Variants in MSRA observed in about 807,000 individuals in gnomAD.
MSRA encodes methionine sulfoxide reductase A.
Under a neutral mutation model 31.3 loss-of-function variants are expected in MSRA, and 54 were observed. The ratio of observed to expected loss-of-function variants is 1.73; its 90% confidence interval spans 1.39 to 2.17. The LOEUF (loss-of-function observed/expected upper bound fraction) is 2.17. Among genes scored for constraint, MSRA ranks in the 30% most tolerant of loss-of-function variants. The probability of loss-of-function intolerance (pLI) is 0.00; values close to 1 mark genes in which losing one functional copy is unlikely to be tolerated. For missense variants in MSRA, 507 were observed against 300.9 expected, an observed-to-expected ratio of 1.69 and a Z score of -5.07; for synonymous variants, 169 against 116.5, an observed-to-expected ratio of 1.45 and a Z score of -2.90.
At chr8:10,185,501 A>C (rs957886046) in intron 1 of MSRA, among the ~76,000 whole-genome samples, 7 of 127,302 alleles carry the variant, frequency 5.5e-5, no homozygotes, top group African/African-American at 1.8e-4. Flanking sequence ...TGGGGGAATC[A>C]GCTCTGGGCA....
At chr8:10,401,127 C>T (rs1233726186) in intron 5 of MSRA, among the ~76,000 whole-genome samples, 5 of 151,654 alleles carry the variant, frequency 3.3e-5, no homozygotes, top group African/African-American at 1.2e-4. Context: ...CCCACAGAGT[C>T]ACAGAAAATG....
chr8:10,161,192 G>T (rs1016509071), intron 1 of MSRA, among the ~76,000 whole-genome samples: 1 of 152,074 alleles, frequency 6.6e-6, no homozygotes, highest in Non-Finnish European at 1.5e-5. Context: ...GTTCAATGAG[G>T]GGCTGCCCAG....
chr8:10,156,484 C>T (rs1804160681), intron 1 of MSRA, among the ~76,000 whole-genome samples: 1 of 152,040 alleles, frequency 6.6e-6, no homozygotes, highest in Non-Finnish European at 1.5e-5. Context: ...GATATTAATT[C>T]TTGGTGAATG....
intron 4 of MSRA, among the ~76,000 whole-genome samples, chr8:10,310,060 T>A (rs1801352688): frequency 6.6e-6 from 1 of 152,278 alleles, no homozygotes; most frequent in Non-Finnish European, 1.5e-5. Context: ...GATTAATATC[T>A]GAACTTCCTT....
chr8:10,102,988 C>G (rs1208183968), intron 1 of MSRA, among the ~76,000 whole-genome samples: 1 of 152,104 alleles, frequency 6.6e-6, no homozygotes, highest in African/African-American at 2.4e-5. Context: ...TAGTTACATT[C>G]TCAAATTAGG....
chr8:10,102,476 A>G (rs995408391), intron 1 of MSRA, among the ~76,000 whole-genome samples: 4 of 152,030 alleles, frequency 2.6e-5, no homozygotes, highest in Non-Finnish European at 5.9e-5. Flanking sequence ...CTTTACTGAG[A>G]CTTTCTGTTT....
chr8:10,334,857 C>T (rs1272050704), intron 5 of MSRA, among the ~76,000 whole-genome samples: 2 of 152,260 alleles, frequency 1.3e-5, no homozygotes, highest in East Asian at 1.9e-4. Flanking sequence ...CGCCACCCCT[C>T]CCCCGCTCTG....
chr8:10,303,357 G>A (rs778326967), intron 4 of MSRA, among the ~76,000 whole-genome samples: 5 of 152,128 alleles, frequency 3.3e-5, no homozygotes, highest in Non-Finnish European at 7.4e-5. Context: ...TGCTAATACC[G>A]GCCCCTGAAC....
chr8:10,136,031 G>A (rs555620748), intron 1 of MSRA, among the ~76,000 whole-genome samples: 1 of 149,926 alleles, frequency 6.7e-6, no homozygotes, highest in African/African-American at 2.4e-5. Flanking sequence ...GGTGAGTTAG[G>A]GCTGACTGTG....
intron 1 of MSRA, among the ~76,000 whole-genome samples, chr8:10,119,655 G>A (rs914632517): frequency 1.3e-5 from 2 of 152,216 alleles, no homozygotes; most frequent in African/African-American, 4.8e-5. Flanking sequence ...ATCAAGTACA[G>A]CATGTGCATG....
intron 1 of MSRA, among the ~76,000 whole-genome samples, chr8:10,113,287 G>GTTTTTTTTTTTTTTTTT (rs1412167930): frequency 4.8e-4 from 3 of 6,298 alleles, no homozygotes; most frequent in African/African-American, 4.6e-4. Flanking sequence ...GTGAAGACAG[G>GTTTTTTTTTTTTTTTTT]TCTTCTTTTT....
At chr8:10,320,140 C>T in intron 5 of MSRA, 151 bp downstream of exon 5, 1 of 561,034 alleles carries the variant, frequency 1.8e-6, no homozygotes, top group Non-Finnish European at 3.2e-6. Flanking sequence ...GGAGTGGAGC[C>T]ATTGTGTCTA....
chr8:10,262,240 T>C (rs944522944), intron 3 of MSRA, among the ~76,000 whole-genome samples: 8 of 152,230 alleles, frequency 5.3e-5, no homozygotes, highest in Admixed American at 6.5e-5. Flanking sequence ...TGGACAAATA[T>C]TTAAGAATGT....
chr8:10,363,971 A>G (rs76190555), intron 5 of MSRA, among the ~76,000 whole-genome samples: 71 of 152,124 alleles, frequency 4.7e-4, no homozygotes, highest in African/African-American at 1.6e-3. Context: ...GAACACATGT[A>G]TTTACCTAAC....
Position 10,416,788 on chromosome 8 carries a change from G to A in MSRA, c.544-11360G>A, listed in dbSNP as rs553166513. On this transcript the variant is annotated intron_variant, in intron 5 of 5. Coordinates refer to ENST00000317173, the MANE Select transcript of MSRA (RefSeq NM_012331.5). ...TTTGCATTTCTTGCAAACTTTGCAG[G>A]CTGTCTGAGGAGCAAGGGCAGAGCT... Among the ~76,000 whole-genome samples, 7 of 152,314 alleles carry A rather than the reference G, an allele frequency of 4.6e-5. No individual in the cohort carries two copies. The South Asian group carries it at 1.5e-3, about 32-fold the overall frequency.
intron 3 of MSRA, among the ~76,000 whole-genome samples, chr8:10,275,694 A>G (rs1431372740): frequency 6.6e-6 from 1 of 152,320 alleles, no homozygotes; most frequent in East Asian, 1.9e-4. Context: ...TGTAAGTACA[A>G]GGAGATGCCA....
intron 1 of MSRA, among the ~76,000 whole-genome samples, chr8:10,090,649 C>T (rs768159073): frequency 3.3e-5 from 5 of 152,208 alleles, no homozygotes; most frequent in Non-Finnish European, 5.9e-5. Context: ...GTTTGGTTCA[C>T]TCCAAAAGGA....
chr8:10,260,748 T>G (rs60104633), intron 3 of MSRA, among the ~76,000 whole-genome samples: 20 of 152,198 alleles, frequency 1.3e-4, no homozygotes, highest in African/African-American at 4.8e-4. Flanking sequence ...GAAATTACAT[T>G]GTGTGCGTGT....
chr8:10,426,488 C>T (rs569521631), intron 5 of MSRA, among the ~76,000 whole-genome samples: 3 of 152,344 alleles, frequency 2.0e-5, no homozygotes, highest in African/African-American at 7.2e-5. Flanking sequence ...GGTCTGCTTC[C>T]TGCAGAGTCC....
Sources: allele counts gnomAD v4.1 joint callset (sites outside exome capture counted in the v4.1 genomes callset), GRCh38; gene constraint gnomAD v4.1.1; transcripts MANE v1.5; gene names NCBI Gene and HGNC (gene_info 2026-07-23, HGNC 2026-07-21).